The following MAN2B1 variants were observed in gnomAD, a reference collection of about 807,000 sequenced individuals.
The protein encoded by MAN2B1 is lysosomal alpha-mannosidase.
Under a neutral mutation model 127.5 loss-of-function variants are expected in MAN2B1, and 99 were observed. The observed-to-expected ratio is 0.78, with a 90% CI of 0.66 to 0.92. MAN2B1 has a LOEUF of 0.92. Among genes scored for constraint, MAN2B1 ranks in the 40% least tolerant of loss-of-function variants. The pLI is 0.00. For missense variants in MAN2B1, 1,304 were observed against 1,384.8 expected (o/e 0.94, Z 0.93); for synonymous variants, 573 against 568.8 (o/e 1.01, Z -0.11).
At chr19:12,649,070 C>G (rs1169485643) in intron 20 of MAN2B1, 66 bp downstream of exon 20, 7 of 1,385,504 alleles carry the variant, frequency 5.1e-6, no homozygotes. Context: ...CAGAAACAGC[C>G]TTCAAGGTCC....
chr19:12,663,633 A>C (rs1369695628), intron 5 of MAN2B1, 70 bp downstream of exon 5: 20 of 1,557,508 alleles, frequency 1.3e-5, no homozygotes, highest in African/African-American at 4.1e-5. Context: ...ACAACAGAGC[A>C]GATATCAAGC....
In MAN2B1 at chr19:12,647,280, T is replaced by C. The variant is rs2023711396; in HGVS notation, c.2876A>G (p.Asn959Ser). ...TRLQETTLVA[N>S]QLREAASRLK... ...CCTGGAGGCTGCCTCGCGGAGCTGG[T>C]TGGCCACCAGCGTGGTCTCCTGCAG... The change falls in exon 23 of 24, where the codon AAC becomes AGC. Residue 959 changes from asparagine to serine, a missense_variant. Physicochemically the swap from Asn to Ser is conservative, Grantham distance 46 (BLOSUM62 1). Coordinates refer to ENST00000456935, the MANE Select transcript of MAN2B1 (RefSeq NM_000528.4). The surrounding 1 kb of genome is among the most constrained non-coding windows in gnomAD (Gnocchi z 4.9). 6.2e-7 allele frequency: 1 copy of C among 1,614,026 alleles called. No homozygotes were observed. The highest frequency in any genetic ancestry group is 8.5e-7 in the Non-Finnish European group (1 of 1,180,040).
At chr19:12,663,525 G>C in intron 5 of MAN2B1, 63 bp from the exon 6 acceptor site, 1 of 1,600,904 alleles carries the variant, frequency 6.2e-7, no homozygotes, top group Non-Finnish European at 8.5e-7. Context: ...TTTCAAAGCC[G>C]GCCATGTCCC....
intron 21 of MAN2B1, 130 bp downstream of exon 21, chr19:12,648,045 G>C: frequency 1.0e-6 from 1 of 953,734 alleles, no homozygotes; most frequent in Middle Eastern, 3.1e-4. Context: ...CAGGGGATGG[G>C]GTTGGCCCGA....
chr19:12,656,356 C>CA lies in MAN2B1; in HGVS notation c.1644+214dup, dbSNP rs372686781. The stretch of plus-strand genomic sequence containing the variant: ...TGGGTGACAGAGCGAGACTCCGTCT[C>CA]AAAAAAAAAAAAAAAAGGGAGGACC... On this transcript the variant is annotated intron_variant, in intron 13 of 23. Coordinates refer to ENST00000456935, the MANE Select transcript of MAN2B1 (RefSeq NM_000528.4). 40,523 of 386,942 alleles carry CA rather than the reference C, an allele frequency of 0.1. 187 individuals carry two copies. The highest frequency in any genetic ancestry group is 0.18 in the African/African-American group (4,979 of 27,820). The allele number at this position is 386,942 out of a possible 1,614,324, so 24.0% of individuals were successfully genotyped here.
rs778022209 is a variant in MAN2B1, at chr19:12,648,256, C to T, written c.2583G>A (p.Glu861=). 2 of 1,603,408 alleles carry T rather than the reference C, an allele frequency of 1.2e-6. No homozygotes were observed. Among genetic ancestry groups the T allele is most frequent in the East Asian group, 2.3e-5 (1 of 44,314 alleles). Residue 861 remains glutamate, a synonymous_variant, in exon 21 of 24, where the codon GAG becomes GAA. Transcript: ENST00000456935. Reference sequence around the variant, plus strand: ...CCACCTGAGGGGCCAGGACCTCCTGCTCCGCCAGGAGCCGGTGTCCGGCGG... The same window carrying T: ...CCACCTGAGGGGCCAGGACCTCCTGTTCCGCCAGGAGCCGGTGTCCGGCGG... ...AAAAGHRLLA[E]QEVLAPQVVL... is the part of the protein sequence containing the mutation.
At chr19:12,653,494 C>A (rs976256678) in intron 14 of MAN2B1, among the ~76,000 whole-genome samples, 3 of 151,782 alleles carry the variant, frequency 2.0e-5, no homozygotes, top group African/African-American at 7.3e-5. Context: ...CGTGGTGGCT[C>A]ACACCTGTAA....
intron 4 of MAN2B1, among the ~76,000 whole-genome samples, chr19:12,664,055 C>T (rs2024170805): frequency 6.6e-6 from 1 of 152,154 alleles, no homozygotes; most frequent in Admixed American, 6.6e-5. Flanking sequence ...CACGGGCAGA[C>T]TGTCTACAAA....
chr19:12,666,509 C>G, intron 1 of MAN2B1, 34 bp downstream of exon 1: 1 of 1,562,930 alleles, frequency 6.4e-7, no homozygotes, highest in Non-Finnish European at 8.7e-7. Context: ...TTCACTCTGC[C>G]TCCTGTACGT....
At chr19:12,656,453 G>A (rs1259317502) in intron 13 of MAN2B1, 118 bp downstream of exon 13, 12 of 743,866 alleles carry the variant, frequency 1.6e-5, no homozygotes, top group East Asian at 2.5e-5. Flanking sequence ...CAAGAGGGGG[G>A]AAGAGATATG....
At chr19:12,653,240 G>C (rs2023884145) in intron 14 of MAN2B1, among the ~76,000 whole-genome samples, 1 of 149,232 alleles carries the variant, frequency 6.7e-6, no homozygotes, top group East Asian at 2.0e-4. Context: ...TCCGCCTCCC[G>C]GGTTCAAGCA....
chr19:12,665,311 G>A (rs1568308315), intron 3 of MAN2B1, 41 bp downstream of exon 3: 1 of 1,596,836 alleles, frequency 6.3e-7, no homozygotes. Flanking sequence ...AGCAGAAGCT[G>A]GGCTGGGCTT....
intron 13 of MAN2B1, 199 bp downstream of exon 13, chr19:12,656,372 A>AT: frequency 1.3e-5 from 7 of 538,162 alleles, no homozygotes; most frequent in East Asian, 3.2e-5. Flanking sequence ...AAAAAAAAAA[A>AT]GGGAGGACCA....
intron 9 of MAN2B1, 32 bp from the exon 10 acceptor site, chr19:12,658,173 G>A: frequency 2.5e-6 from 4 of 1,613,606 alleles, no homozygotes; most frequent in Non-Finnish European, 3.4e-6. Flanking sequence ...GGGGCGCCCA[G>A]CCTGTCGGGC....
chr19:12,654,369 C>G (rs1474437151), intron 14 of MAN2B1, among the ~76,000 whole-genome samples: 2 of 152,122 alleles, frequency 1.3e-5, no homozygotes, highest in Admixed American at 1.3e-4. Context: ...AACCTCACCA[C>G]CTCTTACCAG....
chr19:12,656,550 A>T (rs568919299), intron 13 of MAN2B1, 21 bp downstream of exon 13: 3 of 1,563,532 alleles, frequency 1.9e-6, no homozygotes, highest in African/African-American at 2.7e-5. Context: ...CAGCGGGGGA[A>T]TATTCGTTGT....
intron 1 of MAN2B1, 158 bp from the exon 2 acceptor site, chr19:12,665,963 A>G: frequency 1.4e-6 from 1 of 692,282 alleles, no homozygotes; most frequent in South Asian, 1.5e-5. Flanking sequence ...ACACATACAT[A>G]GTTGTGCTCA....
At chr19:12,665,659 G>A (rs1184696548) in intron 2 of MAN2B1, 44 bp downstream of exon 2, 3 of 1,593,848 alleles carry the variant, frequency 1.9e-6, no homozygotes, top group African/African-American at 2.7e-5. Flanking sequence ...AGGGATTACA[G>A]GGACCATGGG....
At chr19:12,658,379 A>T (rs759873853) in intron 8 of MAN2B1, 35 bp from the exon 9 acceptor site, 4 of 1,613,988 alleles carry the variant, frequency 2.5e-6, no homozygotes, top group Non-Finnish European at 3.4e-6. Context: ...CAGGGTCATG[A>T]CCCACGGGGC....
Sources: gnomAD v4.1 joint callset for allele counts (sites outside exome capture counted in the v4.1 genomes callset) on GRCh38, gnomAD v4.1.1 for gene constraint, Gnocchi (gnomAD v3.1) non-coding constraint, MANE v1.5 for transcripts, NCBI Gene and HGNC (gene_info 2026-07-23, HGNC 2026-07-21) for gene names.